Variants in QTGAL observed in about 807,000 individuals in gnomAD.
QTGAL encodes the protein BGnT-like protein 1.
At chr17:82,971,406 G>A in the QTGAL span, among the ~76,000 whole-genome samples, 110 of 152,292 alleles carry the variant, frequency 7.2e-4, no homozygotes, top group Non-Finnish European at 1.3e-3. Flanking sequence ...GGCGCCCGGC[G>A]AGTCCTCCAA....
the QTGAL span, among the ~76,000 whole-genome samples, chr17:83,049,739 G>A: frequency 2.0e-5 from 3 of 152,136 alleles, no homozygotes; most frequent in African/African-American, 4.8e-5. Context: ...TCCATCTCTC[G>A]ATTCCTTTGT....
chr17:83,034,837 T>C, the QTGAL span, among the ~76,000 whole-genome samples: 1 of 152,248 alleles, frequency 6.6e-6, no homozygotes, highest in Non-Finnish European at 1.5e-5. Flanking sequence ...ACTGTGAGTC[T>C]ATTAAACTTC....
chr17:82,976,856 A>C, the QTGAL span, among the ~76,000 whole-genome samples: 1 of 30,670 alleles, frequency 3.3e-5, no homozygotes, highest in Non-Finnish European at 5.6e-5. Context: ...CCATCCTCCC[A>C]GGGACCAGAG....
chr17:83,023,139 C>T, the QTGAL span, among the ~76,000 whole-genome samples: 5 of 102,924 alleles, frequency 4.9e-5, no homozygotes, highest in Admixed American at 3.5e-4. Flanking sequence ...GGCCCACCTG[C>T]ACCAGCGTGA....
chr17:82,974,429 A>G, the QTGAL span, among the ~76,000 whole-genome samples: 350 of 152,292 alleles, frequency 2.3e-3, 2 homozygotes, highest in Middle Eastern at 6.8e-3. Context: ...TGCCCTCAGG[A>G]GCTGCCCGCA....
At chr17:82,946,619 C>G in the QTGAL span, among the ~76,000 whole-genome samples, 2 of 130,778 alleles carry the variant, frequency 1.5e-5, no homozygotes, top group African/African-American at 2.8e-5. Flanking sequence ...TTAAAAACAT[C>G]TCTTTAAAAG....
the QTGAL span, among the ~76,000 whole-genome samples, chr17:83,009,802 C>T: frequency 2.0e-5 from 3 of 151,992 alleles, no homozygotes; most frequent in Non-Finnish European, 2.9e-5. Context: ...CAGAAAGACA[C>T]GTTTCTGGCA....
chr17:83,037,384 CT>C, the QTGAL span, among the ~76,000 whole-genome samples: 1 of 152,242 alleles, frequency 6.6e-6, no homozygotes, highest in East Asian at 1.9e-4. The surrounding 1 kb of genome is among the most constrained non-coding windows in gnomAD (Gnocchi z 5.2). Flanking sequence ...AGCAGTGCCC[CT>C]CTTCATACCA....
chr17:83,001,438 A>T, the QTGAL span, among the ~76,000 whole-genome samples: 1 of 152,332 alleles, frequency 6.6e-6, no homozygotes, highest in South Asian at 2.1e-4. Context: ...AAAAGGAAGA[A>T]GATGAGAAAG....
the QTGAL span, among the ~76,000 whole-genome samples, chr17:82,980,524 A>G: frequency 6.6e-6 from 1 of 152,174 alleles, no homozygotes; most frequent in Non-Finnish European, 1.5e-5. Flanking sequence ...TCCAGCTATA[A>G]ATCGGGGTTC....
the QTGAL span, among the ~76,000 whole-genome samples, chr17:82,953,856 A>T: frequency 8.5e-5 from 13 of 152,256 alleles, no homozygotes; most frequent in Non-Finnish European, 1.8e-4. Flanking sequence ...TACGCAAATC[A>T]ATAAACATAA....
At chr17:82,999,535 C>G in the QTGAL span, among the ~76,000 whole-genome samples, 10 of 152,308 alleles carry the variant, frequency 6.6e-5, no homozygotes, top group East Asian at 1.9e-3. Context: ...GATGGGAAGC[C>G]TTACCGATAA....
the QTGAL span, chr17:83,005,168 C>T: frequency 4.2e-4 from 676 of 1,610,760 alleles, 2 homozygotes; most frequent in Middle Eastern, 3.0e-3. The surrounding 1 kb of genome is among the most constrained non-coding windows in gnomAD (Gnocchi z 5.6). Flanking sequence ...GTGTATCGTT[C>T]GGTGGAGTTA....
the QTGAL span, among the ~76,000 whole-genome samples, chr17:82,962,793 G>A: frequency 6.6e-6 from 1 of 152,200 alleles, no homozygotes; most frequent in Non-Finnish European, 1.5e-5. Flanking sequence ...AGAAGAGCCC[G>A]ACCCTTGGGG....
the QTGAL span, among the ~76,000 whole-genome samples, chr17:83,025,902 C>T: frequency 2.3e-4 from 35 of 152,226 alleles, no homozygotes; most frequent in East Asian, 1.9e-4. Context: ...CTTTGCAGGA[C>T]GTACACACAC....
chr17:83,041,517 C>A, the QTGAL span, among the ~76,000 whole-genome samples: 1 of 152,180 alleles, frequency 6.6e-6, no homozygotes, highest in East Asian at 1.9e-4. Flanking sequence ...TTGTCACTTA[C>A]AAGAGACCCT....
chr17:82,942,218 G>A, the QTGAL span: 2 of 595,944 alleles, frequency 3.4e-6, no homozygotes, highest in South Asian at 4.2e-5. Context: ...GAGCAGTGCA[G>A]TGAACCTCCC....
the QTGAL span, among the ~76,000 whole-genome samples, chr17:83,051,261 G>A: frequency 8.8e-5 from 13 of 148,482 alleles, no homozygotes; most frequent in African/African-American, 2.0e-4. Flanking sequence ...TGAGGTGCGG[G>A]GGCAGGTGCG....
At chr17:83,048,528 C>G in the QTGAL span, 6 of 1,614,066 alleles carry the variant, frequency 3.7e-6, no homozygotes, top group Non-Finnish European at 3.4e-6. Flanking sequence ...CCAGAATCTT[C>G]CAGCTTCACT....
Sources: allele counts gnomAD v4.1 joint callset (sites outside exome capture counted in the v4.1 genomes callset), GRCh38; gene constraint gnomAD v4.1.1; non-coding constraint Gnocchi (gnomAD v3.1); transcripts MANE v1.5; gene names NCBI Gene and HGNC (gene_info 2026-07-23, HGNC 2026-07-21).